The following EPB41L2 variants were observed in gnomAD, a reference collection of about 807,000 sequenced individuals.
EPB41L2 encodes erythrocyte membrane protein band 4.1 like 2, also known as band 4.1-like protein 2.
A neutral mutation model predicts 113.0 loss-of-function variants in EPB41L2; 43 were observed. The observed-to-expected ratio is 0.38, with a 90% CI of 0.30 to 0.49. The LOEUF is 0.49. Ranked by LOEUF, EPB41L2 falls within the 20% of genes least tolerant of loss-of-function variation. The pLI, the probability that EPB41L2 is intolerant of heterozygous loss-of-function variation, is 0.95. For synonymous variants in EPB41L2, 442 were observed against 436.7 expected, an observed-to-expected ratio of 1.01 and a Z score of -0.15; for missense variants, 1,147 against 1,223.4, an observed-to-expected ratio of 0.94 and a Z score of 0.93.
chr6:130,980,718 C>T (rs898862304), intron 1 of EPB41L2, among the ~76,000 whole-genome samples: 4 of 152,074 alleles, frequency 2.6e-5, no homozygotes, highest in South Asian at 2.1e-4. Context: ...AACTCTGAAA[C>T]GGGGCAGTTG....
chr6:131,032,089 C>T (rs1792276654), intron 1 of EPB41L2, among the ~76,000 whole-genome samples: 1 of 152,064 alleles, frequency 6.6e-6, no homozygotes, highest in African/African-American at 2.4e-5. Flanking sequence ...AGCTCATAAA[C>T]CAAGCTTACA....
rs561935392 is a variant in EPB41L2, at chr6:130,843,365, C to T, written c.*6-2767G>A. On this transcript the variant is annotated intron_variant, in intron 19 of 19. Coordinates refer to ENST00000337057, the MANE Select transcript of EPB41L2 (RefSeq NM_001431.4). ...TAAATGATTTATTACATATTCCAAC[C>T]AAACTGAAAACTAGGCAATGGCTCT... is the stretch of plus-strand genomic sequence containing the variant. Among the ~76,000 whole-genome samples, 51 of 152,264 alleles carry T rather than the reference C, an allele frequency of 3.3e-4. No homozygotes were observed. The South Asian group carries it at 4.6e-3, about 14-fold the overall frequency.
At chr6:131,056,343 TAAC>T (rs139816279) in intron 1 of EPB41L2, among the ~76,000 whole-genome samples, 1 of 152,290 alleles carries the variant, frequency 6.6e-6, no homozygotes, top group East Asian at 1.9e-4. Flanking sequence ...TCTGGCAACA[TAAC>T]AAAAAAGACT....
At chr6:131,004,805 T>C (rs930230355) in intron 1 of EPB41L2, among the ~76,000 whole-genome samples, 4 of 152,182 alleles carry the variant, frequency 2.6e-5, no homozygotes, top group African/African-American at 9.7e-5. Flanking sequence ...CACAACTCCC[T>C]GGTCACCTTT....
At chr6:130,874,498 A>G (rs12529323) in intron 14 of EPB41L2, among the ~76,000 whole-genome samples, 49,187 of 151,768 alleles carry the variant, frequency 0.32, 8,648 homozygotes, top group East Asian at 0.45. Context: ...ACACTCCCGT[A>G]GACAAATGCT....
At chr6:131,041,088 C>A (rs1460693592) in intron 1 of EPB41L2, among the ~76,000 whole-genome samples, 1 of 152,186 alleles carries the variant, frequency 6.6e-6, no homozygotes, top group African/African-American at 2.4e-5. Context: ...TTGCCAAACA[C>A]ACTATACAAG....
At chr6:130,909,630 G>C (rs950776293) in intron 4 of EPB41L2, among the ~76,000 whole-genome samples, 23 of 152,158 alleles carry the variant, frequency 1.5e-4, no homozygotes, top group Non-Finnish European at 2.5e-4. Context: ...TGTATATTTA[G>C]AAAACCCCAT....
intron 1 of EPB41L2, among the ~76,000 whole-genome samples, chr6:130,962,591 A>G (rs2128635674): frequency 6.6e-6 from 1 of 152,336 alleles, no homozygotes; most frequent in East Asian, 1.9e-4. Flanking sequence ...TATTTTTAAA[A>G]GGATAAGGGA....
intron 8 of EPB41L2, among the ~76,000 whole-genome samples, chr6:130,897,715 T>C (rs1480071448): frequency 6.6e-6 from 1 of 152,146 alleles, no homozygotes; most frequent in African/African-American, 2.4e-5. Context: ...CCCCATTACA[T>C]AGAAAATGAT....
At chr6:130,862,830 A>G (rs971944392) in intron 18 of EPB41L2, among the ~76,000 whole-genome samples, 1 of 152,134 alleles carries the variant, frequency 6.6e-6, no homozygotes, top group African/African-American at 2.4e-5. Flanking sequence ...TGAGCTCAGT[A>G]TTGTGTCCAA....
At chr6:130,876,825 C>T in intron 14 of EPB41L2, 2 of 1,146,696 alleles carry the variant, frequency 1.7e-6, no homozygotes, top group South Asian at 1.3e-5. Flanking sequence ...ACATACATTA[C>T]ACCTATAGCA....
rs567120196 is a variant in EPB41L2, at chr6:130,870,301, G to C, written c.2044-175C>G. 5.2e-6 allele frequency: 8 copies of C among 1,550,190 alleles called. No individual in the cohort carries two copies. The East Asian group carries it at 2.0e-4, about 38-fold the overall frequency. ...AGGGCAATGAGAAACGTGAGGCAAT[G>C]GTGTTAACATGGAAAAAGGGGAGAA... On this transcript the variant is annotated intron_variant, in intron 14 of 19. Transcript: ENST00000337057.
At chr6:130,865,720 T>C in intron 16 of EPB41L2, 86 bp from the exon 17 acceptor site, 2 of 1,322,872 alleles carry the variant, frequency 1.5e-6, no homozygotes, top group South Asian at 1.3e-5. Context: ...CGAATATGCA[T>C]CTTTTAAAAT....
In EPB41L2 at chr6:130,852,681, C is replaced by T. The variant is rs114427745; in HGVS notation, c.*5+5450G>A. 9.2e-3 allele frequency among the ~76,000 whole-genome samples: 1,403 copies of T among 152,284 alleles called. 18 individuals carry two copies. Among genetic ancestry groups the T allele is most frequent in the African/African-American group, 0.029 (1,218 of 41,552 alleles). On this transcript the variant is annotated intron_variant, in intron 19 of 19. Transcript: ENST00000337057. The stretch of plus-strand genomic sequence containing the variant: ...ACAAAGAAGGTAAGTTACATCCTTA[C>T]CATCTCTCAAACACAGGAGGAGCAA...
intron 1 of EPB41L2, among the ~76,000 whole-genome samples, chr6:130,973,847 C>T (rs1396377285): frequency 1.3e-5 from 2 of 152,204 alleles, no homozygotes; most frequent in Admixed American, 1.3e-4. Flanking sequence ...GCTCTGACCA[C>T]CATGGGCACA....
At chr6:130,873,381 G>A (rs1233471872) in intron 14 of EPB41L2, among the ~76,000 whole-genome samples, 1 of 151,874 alleles carries the variant, frequency 6.6e-6, no homozygotes, top group Admixed American at 6.6e-5. Flanking sequence ...TTAGAAACTT[G>A]AAATGTCAAT....
At position 131,055,051 on chromosome 6, in the gene EPB41L2, C is replaced by A. The variant is rs1434231167; in HGVS notation, c.-15+8104G>T. 2.6e-5 allele frequency among the ~76,000 whole-genome samples: 4 copies of A among 152,234 alleles called. No individual in the cohort carries two copies. The East Asian group carries it at 7.7e-4, about 29-fold the overall frequency. On this transcript the variant is annotated intron_variant, in intron 1 of 19. Coordinates refer to ENST00000337057, the MANE Select transcript of EPB41L2 (RefSeq NM_001431.4). Reference sequence around the variant, plus strand: ...TTTATGAAAAACAGTTTGCTGCTTACTCATATAACCTCCAGTGGTATACTG... The same window carrying A: ...TTTATGAAAAACAGTTTGCTGCTTAATCATATAACCTCCAGTGGTATACTG...
At chr6:131,027,896 C>A (rs1791227122) in intron 1 of EPB41L2, among the ~76,000 whole-genome samples, 1 of 152,188 alleles carries the variant, frequency 6.6e-6, no homozygotes, top group Admixed American at 6.5e-5. Flanking sequence ...TAACTTCTCT[C>A]ATAAGTGCCT....
chr6:130,989,170 TAACTATTGATAGCCCATTA>T (rs1781258938), intron 1 of EPB41L2, among the ~76,000 whole-genome samples: 1 of 152,094 alleles, frequency 6.6e-6, no homozygotes, highest in Non-Finnish European at 1.5e-5. Context: ...ATTCAGCAAA[TAACTATTGATAGCCCATTA>T]AGTGCCAGAC....
Sources: gnomAD v4.1 joint callset for allele counts (sites outside exome capture counted in the v4.1 genomes callset) on GRCh38, gnomAD v4.1.1 for gene constraint, MANE v1.5 for transcripts, NCBI Gene and HGNC (gene_info 2026-07-23, HGNC 2026-07-21) for gene names.